Variants in GDPD4 observed in about 807,000 individuals in gnomAD.
GDPD4 encodes glycerophosphodiester phosphodiesterase 6.
Under a neutral mutation model 67.8 loss-of-function variants are expected in GDPD4, and 60 were observed. That is an observed-to-expected ratio of 0.88 (90% confidence interval 0.72 to 1.10). The LOEUF (loss-of-function observed/expected upper bound fraction) is 1.10. Among genes scored for constraint, GDPD4 ranks in the 50% least tolerant of loss-of-function variants. The probability of loss-of-function intolerance (pLI) is 0.00; values close to 1 mark genes in which losing one functional copy is unlikely to be tolerated. For missense variants in GDPD4, 623 were observed against 613.9 expected, an observed-to-expected ratio of 1.01 and a Z score of -0.16; for synonymous variants, 212 against 210.9, an observed-to-expected ratio of 1.00 and a Z score of -0.04.
At chr11:77,247,135 G>A (rs1009045515) in intron 11 of GDPD4, among the ~76,000 whole-genome samples, 3 of 152,124 alleles carry the variant, frequency 2.0e-5, no homozygotes, top group East Asian at 3.9e-4. Flanking sequence ...CAGTATCTCC[G>A]GAAAATTGCT....
At chr11:77,263,308 C>A (rs899258922) in intron 10 of GDPD4, among the ~76,000 whole-genome samples, 1 of 151,894 alleles carries the variant, frequency 6.6e-6, no homozygotes, top group Non-Finnish European at 1.5e-5. Context: ...CGTGATAGCA[C>A]CAGGTCATAC....
intron 1 of GDPD4, among the ~76,000 whole-genome samples, chr11:77,297,363 T>C (rs1210125701): frequency 6.6e-6 from 1 of 151,408 alleles, no homozygotes; most frequent in Non-Finnish European, 1.5e-5. Flanking sequence ...TAAAACCCTA[T>C]CTCTACTAAA....
chr11:77,286,235 T>C (rs539299676), intron 2 of GDPD4, among the ~76,000 whole-genome samples: 2 of 152,288 alleles, frequency 1.3e-5, no homozygotes, highest in East Asian at 3.9e-4. Flanking sequence ...CAATTCTTAA[T>C]CACCCATCAC....
At chr11:77,280,774 C>G (rs1301952732) in intron 3 of GDPD4, among the ~76,000 whole-genome samples, 3 of 152,194 alleles carry the variant, frequency 2.0e-5, no homozygotes, top group Non-Finnish European at 4.4e-5. Context: ...TTTTCTCTCT[C>G]TCCCTCTACT....
intron 1 of GDPD4, among the ~76,000 whole-genome samples, chr11:77,291,898 C>T (rs1445694525): frequency 1.3e-5 from 2 of 152,148 alleles, no homozygotes; most frequent in Admixed American, 6.5e-5. Flanking sequence ...GGCATGGTGG[C>T]GCATGCCTGT....
At chr11:77,266,272 T>C (rs774308983) in intron 10 of GDPD4, among the ~76,000 whole-genome samples, 2 of 152,106 alleles carry the variant, frequency 1.3e-5, no homozygotes, top group African/African-American at 2.4e-5. Context: ...AGTGGCCCCA[T>C]AAGATTATAA....
intron 16 of GDPD4, among the ~76,000 whole-genome samples, chr11:77,222,673 T>C (rs190697272): frequency 2.6e-5 from 4 of 152,324 alleles, no homozygotes; most frequent in Admixed American, 2.6e-4. Flanking sequence ...ATTTTTTCCT[T>C]CATTTCAACC....
At chr11:77,279,532 G>A in intron 3 of GDPD4, 133 bp from the exon 4 acceptor site, 1 of 531,888 alleles carries the variant, frequency 1.9e-6, no homozygotes. Context: ...TGTGTGAACA[G>A]CAGCTTTTGC....
intron 4 of GDPD4, among the ~76,000 whole-genome samples, chr11:77,277,298 T>C (rs952272815): frequency 4.6e-5 from 7 of 151,348 alleles, no homozygotes; most frequent in Non-Finnish European, 8.8e-5. Flanking sequence ...CAAGAATAAT[T>C]TTCCTAAAAT....
At chr11:77,250,278 C>T (rs2135850368) in intron 11 of GDPD4, among the ~76,000 whole-genome samples, 1 of 152,160 alleles carries the variant, frequency 6.6e-6, no homozygotes, top group South Asian at 2.1e-4. Flanking sequence ...TCTATTGTTG[C>T]CATCTTTATG....
At chr11:77,269,997 A>G (rs1343426490) in intron 7 of GDPD4, 37 bp from the exon 8 acceptor site, 3 of 1,083,274 alleles carry the variant, frequency 2.8e-6, no homozygotes, top group African/African-American at 1.6e-5. Flanking sequence ...AGAGTTCATT[A>G]TTGTCCCCTT....
At chr11:77,291,121 G>T (rs1163813138) in intron 1 of GDPD4, among the ~76,000 whole-genome samples, 7 of 152,174 alleles carry the variant, frequency 4.6e-5, no homozygotes, top group Admixed American at 4.6e-4. Flanking sequence ...ACCACCCTAA[G>T]TGTCCATTAA....
chr11:77,227,874 G>T lies in GDPD4; in HGVS notation c.1515C>A (p.Ser505Arg). 1 of 1,613,188 alleles carries T rather than the reference G, an allele frequency of 6.2e-7. No individual in the cohort carries two copies. Among genetic ancestry groups the T allele is most frequent in the Non-Finnish European group, 8.5e-7 (1 of 1,179,156 alleles). The change falls in exon 16 of 17, where the codon AGC (serine) becomes AGA (arginine). Residue 505 changes from serine (S) to arginine (R), a missense_variant. Coordinates refer to ENST00000315938, the MANE Select transcript of GDPD4 (RefSeq NM_182833.3). ...GGCCTCTGACTTTACCTGTGCGAGT[G>T]CTGGAGGTTTCAAACAATTTTTCTT... ...TEKEKLFETS[S>R]TRTDTQSGSK...
chr11:77,252,708 G>A (rs907399313), intron 11 of GDPD4, among the ~76,000 whole-genome samples: 9 of 152,164 alleles, frequency 5.9e-5, no homozygotes, highest in African/African-American at 2.2e-4. Context: ...TGCACTAGTT[G>A]AGAAGGGTGT....
In GDPD4 at chr11:77,235,023, T is replaced by TG. The variant is rs1453602848; in HGVS notation, c.1242-1852_1242-1851insC. Among the ~76,000 whole-genome samples the TG allele has an allele frequency of 2.3e-4, 33 of 141,046 alleles. 1 individual carries two copies. Among genetic ancestry groups the TG allele is most frequent in the Non-Finnish European group, 3.6e-4 (23 of 64,360 alleles). 92.5% of individuals were successfully genotyped at this position (141,046 alleles called of 152,430 possible). On this transcript the variant is annotated intron_variant, in intron 13 of 16. Coordinates refer to ENST00000315938, the MANE Select transcript of GDPD4 (RefSeq NM_182833.3). ...TGTCAATATCTGTTTTTTTTTTTTT[T>TG]TTTTTTTTTTTTTTGACTTTTTAGT...
intron 11 of GDPD4, among the ~76,000 whole-genome samples, chr11:77,251,636 T>C (rs1958900586): frequency 6.6e-6 from 1 of 152,238 alleles, no homozygotes; most frequent in Non-Finnish European, 1.5e-5. Context: ...GAATTATTTG[T>C]CTTTGACTTT....
At chr11:77,279,545 A>G in intron 3 of GDPD4, 146 bp from the exon 4 acceptor site, 1 of 380,758 alleles carries the variant, frequency 2.6e-6, no homozygotes, top group East Asian at 3.0e-5. Flanking sequence ...GCTTTTGCGG[A>G]TAATTATATG....
chr11:77,270,334 G>C (rs748581885), intron 7 of GDPD4, among the ~76,000 whole-genome samples: 2 of 152,220 alleles, frequency 1.3e-5, no homozygotes, highest in Admixed American at 6.5e-5. Flanking sequence ...ACCTTCTGCT[G>C]TAAGTCCTCA....
At chr11:77,235,526 CA>C (rs1185341349) in intron 13 of GDPD4, among the ~76,000 whole-genome samples, 1 of 152,144 alleles carries the variant, frequency 6.6e-6, no homozygotes, top group Non-Finnish European at 1.5e-5. Flanking sequence ...TAGATCCATA[CA>C]AATGTGACAA....
Sources: allele counts gnomAD v4.1 joint callset (sites outside exome capture counted in the v4.1 genomes callset), GRCh38; gene constraint gnomAD v4.1.1; transcripts MANE v1.5; gene names NCBI Gene and HGNC (gene_info 2026-07-23, HGNC 2026-07-21).